TNR: variants seen among roughly 807,000 people sequenced by gnomAD.
TNR encodes the protein tenascin R, also known as tenascin-R.
A neutral mutation model predicts 150.4 loss-of-function variants in TNR; 45 were observed. The observed-to-expected ratio is 0.30, with a 90% CI of 0.24 to 0.38. The LOEUF (loss-of-function observed/expected upper bound fraction) is 0.38, where lower values mean the gene tolerates loss of function less well. Among genes scored for constraint, TNR ranks in the 10% least tolerant of loss-of-function variants. The probability of loss-of-function intolerance (pLI) is 1.00; values close to 1 mark genes in which losing one functional copy is unlikely to be tolerated. For synonymous variants in TNR, 687 were observed against 678.4 expected, an observed-to-expected ratio of 1.01 and a Z score of -0.20; for missense variants, 1,544 against 1,759.1, an observed-to-expected ratio of 0.88 and a Z score of 2.19.
At chr1:175,359,780 GA>G in intron 14 of TNR, 49 bp from the exon 15 acceptor site, 9 of 1,558,002 alleles carry the variant, frequency 5.8e-6, no homozygotes, top group Non-Finnish European at 7.8e-6. Context: ...CTGCAGGATA[GA>G]AATGCAGGGA....
chr1:175,548,519 C>T (rs997765786), intron 1 of TNR, among the ~76,000 whole-genome samples: 4 of 152,102 alleles, frequency 2.6e-5, no homozygotes, highest in African/African-American at 4.8e-5. Context: ...GTGTCAGTCT[C>T]GTCCCTCTTC....
At chr1:175,500,404 T>A (rs568354712) in intron 2 of TNR, among the ~76,000 whole-genome samples, 1 of 152,322 alleles carries the variant, frequency 6.6e-6, no homozygotes, top group East Asian at 1.9e-4. Context: ...CAAAGCCCAG[T>A]GTCTCTGACC....
chr1:175,571,138 C>T (rs930364951), intron 1 of TNR, among the ~76,000 whole-genome samples: 12 of 152,268 alleles, frequency 7.9e-5, no homozygotes, highest in East Asian at 5.8e-4. Flanking sequence ...CACCTTTGTC[C>T]GCAACCCATC....
chr1:175,361,773 G>T (rs1651598394), intron 14 of TNR, among the ~76,000 whole-genome samples: 1 of 152,166 alleles, frequency 6.6e-6, no homozygotes, highest in Non-Finnish European at 1.5e-5. Context: ...TAGGAGGTTT[G>T]GTCTAGGGTA....
At chr1:175,396,348 G>A (rs1653423630) in intron 5 of TNR, among the ~76,000 whole-genome samples, 196 bp downstream of exon 5, 1 of 152,172 alleles carries the variant, frequency 6.6e-6, no homozygotes, top group South Asian at 2.1e-4. Context: ...CCTGAATTTG[G>A]AAACTCTCTT....
Position 175,362,684 on chromosome 1 carries a change from T to A in TNR, c.2833A>T (p.Ile945Phe), listed in dbSNP as rs1651654162. The A allele has an allele frequency of 1.2e-6, 2 of 1,613,952 alleles. No individual in the cohort carries two copies. Among genetic ancestry groups the A allele is most frequent in the Non-Finnish European group, 1.7e-6 (2 of 1,179,980 alleles). Residue 945 changes from isoleucine to phenylalanine, a missense_variant, in exon 14 of 23, where the codon ATC (isoleucine) becomes TTC (phenylalanine). By Grantham distance (21) the Ile-to-Phe change is conservative. Around this residue, in one of 2 missense-constraint regions of TNR, gnomAD observed 1,254 missense variants for 1,329.4 expected, o/e 0.94. Transcript: ENST00000367674. The part of the protein sequence containing the change: ...SVRGREESER[I>F]CTLVHTAMDN... ...CCACCTGTGTGCACAAGAGTACAGA[T>A]GCGCTCGCTTTCCTCCCTGCCCCGC...
intron 2 of TNR, among the ~76,000 whole-genome samples, chr1:175,515,559 T>C (rs540716699): frequency 6.6e-6 from 1 of 152,292 alleles, no homozygotes; most frequent in East Asian, 1.9e-4. Flanking sequence ...GACTTGGGTG[T>C]GGCCAGAATA....
rs1557867503 is a variant in TNR at position 175,331,043 on chromosome 1, T to TTCTTTCTTTCTTTCTTTCTTTCCTTC, written c.3632-809_3632-808insGAAGGAAAGAAAGAAAGAAAGAAAGA. On this transcript the variant is annotated intron_variant, in intron 20 of 22. Transcript: ENST00000367674. ...TTTCTTTCTTTCTTTCTTTCTTTCT[T>TTCTTTCTTTCTTTCTTTCTTTCCTTC]TCTTTCTTTCTTTCTTTCTTTCTTT... Among the ~76,000 whole-genome samples, 41 of 78,952 alleles carry TTCTTTCTTTCTTTCTTTCTTTCCTTC rather than the reference T, an allele frequency of 5.2e-4. 1 individual carries two copies. The highest frequency in any genetic ancestry group is 1.4e-3 in the Admixed American group (9 of 6,544). 51.8% of individuals were successfully genotyped at this position (78,952 alleles called of 152,430 possible).
intron 1 of TNR, among the ~76,000 whole-genome samples, chr1:175,568,430 A>T (rs1250506792): frequency 2.0e-5 from 3 of 152,170 alleles, no homozygotes; most frequent in Admixed American, 6.5e-5. Context: ...TGTCCTGTTA[A>T]TAGCTCCATC....
intron 9 of TNR, among the ~76,000 whole-genome samples, chr1:175,370,039 C>A (rs6690194): frequency 0.49 from 74,331 of 152,060 alleles, 18,788 homozygotes; most frequent in East Asian, 0.61. Flanking sequence ...TTTCCCAACC[C>A]TTAATTCTTT....
chr1:175,493,460 G>A (rs546939842), intron 2 of TNR, among the ~76,000 whole-genome samples: 16 of 152,198 alleles, frequency 1.1e-4, no homozygotes, highest in Non-Finnish European at 2.4e-4. Context: ...AGACCAGGGC[G>A]GCCTCTCTGG....
At chr1:175,642,694 G>T (rs1664701208) in intron 1 of TNR, among the ~76,000 whole-genome samples, 1 of 152,128 alleles carries the variant, frequency 6.6e-6, no homozygotes, top group African/African-American at 2.4e-5. Context: ...CACTTTGGGA[G>T]GCCAAGATAG....
At chr1:175,666,961 C>T (rs546581492) in intron 1 of TNR, among the ~76,000 whole-genome samples, 1 of 152,246 alleles carries the variant, frequency 6.6e-6, no homozygotes, top group Non-Finnish European at 1.5e-5. Context: ...CTATATTAAC[C>T]TGGGTGGTCT....
chr1:175,442,398 G>T (rs1234552975), intron 2 of TNR, among the ~76,000 whole-genome samples: 1 of 148,876 alleles, frequency 6.7e-6, no homozygotes, highest in Non-Finnish European at 1.5e-5. Flanking sequence ...TGGTCCTAGG[G>T]TCATGCCTGA....
At chr1:175,468,645 G>T (rs1047080627) in intron 2 of TNR, among the ~76,000 whole-genome samples, 1 of 152,136 alleles carries the variant, frequency 6.6e-6, no homozygotes, top group Non-Finnish European at 1.5e-5. Context: ...TTAGTGTTCA[G>T]TATGACCCGG....
chr1:175,406,316 C>T lies in TNR; in HGVS notation c.399G>A (p.Val133=), dbSNP rs200700582. Residue 133 remains valine (V), a synonymous_variant, in exon 3 of 23, where the codon GTG becomes GTA. Coordinates refer to ENST00000367674, the MANE Select transcript of TNR (RefSeq NM_003285.3). ...KACPCASSAQ[V]LQELLSRIEM... ...CGATCCGGCTCAGCAGCTCCTGCAG[C>T]ACCTGGGCTGAACTGGCACATGGAC... The T allele has an allele frequency of 1.2e-6, 2 of 1,614,136 alleles. No homozygotes were observed. The highest frequency in any genetic ancestry group is 2.2e-5 in the East Asian group (1 of 44,880).
rs190218337 is a variant in TNR, at chr1:175,619,465, C to T, written c.-164-91096G>A. 1.6e-4 allele frequency among the ~76,000 whole-genome samples: 24 copies of T among 152,258 alleles called. No individual in the cohort carries two copies. In the East Asian group the frequency reaches 3.9e-3, roughly 24 times the overall value. On this transcript the variant is annotated intron_variant, in intron 1 of 22. Coordinates refer to ENST00000367674, the MANE Select transcript of TNR (RefSeq NM_003285.3). ...GACCAGAAAAGTCACACAGATAACC[C>T]ACCTGATGTATTGAGTAGAACAAAG...
At chr1:175,340,436 T>C (rs965928395) in intron 18 of TNR, among the ~76,000 whole-genome samples, 1 of 152,234 alleles carries the variant, frequency 6.6e-6, no homozygotes, top group African/African-American at 2.4e-5. Context: ...CTTCGGAACT[T>C]GGAGAAGACC....
intron 1 of TNR, among the ~76,000 whole-genome samples, chr1:175,547,819 G>A (rs1335398400): frequency 6.6e-6 from 1 of 152,198 alleles, no homozygotes; most frequent in African/African-American, 2.4e-5. Flanking sequence ...TAGCATAGGT[G>A]TATGGGGCAC....
Sources: gnomAD v4.1 joint callset for allele counts (sites outside exome capture counted in the v4.1 genomes callset) on GRCh38, gnomAD v4.1.1 for gene constraint, gnomAD v4.1.1 regional missense constraint, MANE v1.5 for transcripts, NCBI Gene and HGNC (gene_info 2026-07-23, HGNC 2026-07-21) for gene names.